The following OTOA variants were observed in gnomAD, a reference collection of about 807,000 sequenced individuals.
The protein encoded by OTOA is cancer/testis antigen 108.
Under a neutral mutation model 110.8 loss-of-function variants are expected in OTOA, and 70 were observed. The observed-to-expected ratio is 0.63, with a 90% CI of 0.52 to 0.77. The LOEUF (loss-of-function observed/expected upper bound fraction) is 0.77, where lower values mean the gene tolerates loss of function less well. Ranked by LOEUF, OTOA falls within the 30% of genes least tolerant of loss-of-function variation. The pLI, the probability that OTOA is intolerant of heterozygous loss-of-function variation, is 0.00. For synonymous variants in OTOA, 373 were observed against 431.5 expected, an observed-to-expected ratio of 0.86 and a Z score of 1.68; for missense variants, 917 against 1,075.8, an observed-to-expected ratio of 0.85 and a Z score of 2.06.
chr16:21,713,748 A>G (rs1468590046), intron 13 of OTOA, among the ~76,000 whole-genome samples: 1 of 151,888 alleles, frequency 6.6e-6, no homozygotes, highest in South Asian at 2.1e-4. Flanking sequence ...ATGCCCACGC[A>G]CTCCCACTTT....
intron 7 of OTOA, among the ~76,000 whole-genome samples, chr16:21,686,435 C>T (rs370457357): frequency 1.7e-3 from 256 of 152,034 alleles, no homozygotes; most frequent in African/African-American, 6.0e-3. Flanking sequence ...ACTACAGGTG[C>T]GCATTAGCAC....
chr16:21,700,496 G>A (rs916312058), intron 10 of OTOA, among the ~76,000 whole-genome samples: 10 of 152,082 alleles, frequency 6.6e-5, no homozygotes, highest in African/African-American at 1.9e-4. Context: ...AGGCCGAGGC[G>A]GGTGGATCAC....
intron 11 of OTOA, 168 bp from the exon 12 acceptor site, chr16:21,705,001 C>T (rs753243137): frequency 9.2e-7 from 1 of 1,086,280 alleles, no homozygotes; most frequent in Admixed American, 1.7e-5. Context: ...TAGGTTCCGC[C>T]TGTGGTTGCA....
intron 17 of OTOA, chr16:21,721,546 G>A (rs942696210): frequency 6.6e-6 from 3 of 453,496 alleles, no homozygotes; most frequent in African/African-American, 6.0e-5. Flanking sequence ...GTGTTTCAGA[G>A]GTAACTATAA....
chr16:21,693,275 A>G (rs903366931), intron 9 of OTOA, among the ~76,000 whole-genome samples: 16 of 151,942 alleles, frequency 1.1e-4, no homozygotes, highest in Admixed American at 3.3e-4. Context: ...AAACAAGCAA[A>G]CAAACAAACA....
At chr16:21,671,354 A>G (rs1346488803) in intron 1 of OTOA, among the ~76,000 whole-genome samples, 1 of 151,998 alleles carries the variant, frequency 6.6e-6, no homozygotes, top group Non-Finnish European at 1.5e-5. Flanking sequence ...TGGGAGGCCA[A>G]AGTGGGTGGA....
At chr16:21,673,132 A>G (rs945076009) in intron 1 of OTOA, among the ~76,000 whole-genome samples, 36 of 152,316 alleles carry the variant, frequency 2.4e-4, no homozygotes, top group Non-Finnish European at 4.9e-4. Flanking sequence ...TGGGTGACAG[A>G]GAAAGACTCT....
chr16:21,706,005 G>T (rs903971930), intron 12 of OTOA, among the ~76,000 whole-genome samples: 3 of 151,814 alleles, frequency 2.0e-5, no homozygotes, highest in Non-Finnish European at 4.4e-5. Context: ...TAGGAGGATC[G>T]CTTGAGCCCA....
At chr16:21,703,529 G>A (rs530974104) in intron 11 of OTOA, among the ~76,000 whole-genome samples, 91 of 152,094 alleles carry the variant, frequency 6.0e-4, no homozygotes, top group African/African-American at 2.0e-3. Context: ...ATCCACTGAC[G>A]TGTTGGACAC....
intron 21 of OTOA, among the ~76,000 whole-genome samples, chr16:21,735,911 C>G (rs535298643): frequency 6.6e-6 from 1 of 152,140 alleles, no homozygotes; most frequent in South Asian, 2.1e-4. Context: ...CATTTTTTGT[C>G]GATATTACCA....
chr16:21,703,226 C>G (rs1898087682), intron 11 of OTOA, among the ~76,000 whole-genome samples: 1 of 152,114 alleles, frequency 6.6e-6, no homozygotes, highest in African/African-American at 2.4e-5. Context: ...TCCTATTTAA[C>G]TGAAACATTG....
Position 21,760,570 on chromosome 16 carries a change from C to T in OTOA, c.*30C>T. On this transcript the variant is annotated 3_prime_UTR_variant, in exon 29 of 29. Transcript: ENST00000646100. ...CCTGAGCGCATCGTCCTGTGTTGCC[C>T]CAAGCAGCTGGCCAACATGTGTAGA... 4 of 1,572,636 alleles carry T rather than the reference C, an allele frequency of 2.5e-6. No homozygotes were observed. In the South Asian group the frequency reaches 4.4e-5, roughly 17 times the overall value.
At chr16:21,759,155 T>A (rs1260550464) in intron 28 of OTOA, among the ~76,000 whole-genome samples, 1 of 152,110 alleles carries the variant, frequency 6.6e-6, no homozygotes, top group African/African-American at 2.4e-5. Context: ...CTGCAAGGCA[T>A]GTGGTGAAAT....
At chr16:21,738,188 G>A (rs1899400296) in intron 22 of OTOA, among the ~76,000 whole-genome samples, 3 of 148,710 alleles carry the variant, frequency 2.0e-5, no homozygotes, top group Non-Finnish European at 3.0e-5. Flanking sequence ...AAGGGAGAGT[G>A]GGCCATGTGG....
rs535327147 is a variant in OTOA, at chr16:21,727,622, G to C, written c.2017-619G>C. Reference sequence around the variant, plus strand: ...TCAAGTGGCATACAAACTTTGAAGTGCTGTTTTCATTGTTGTGGTGCCAAT... The same window carrying C: ...TCAAGTGGCATACAAACTTTGAAGTCCTGTTTTCATTGTTGTGGTGCCAAT... On this transcript the variant is annotated intron_variant, in intron 19 of 28. Coordinates refer to ENST00000646100, the MANE Select transcript of OTOA (RefSeq NM_144672.4). Among the ~76,000 whole-genome samples the C allele has an allele frequency of 3.3e-5, 5 of 152,262 alleles. No homozygotes were observed. The South Asian group carries it at 1.0e-3, about 32-fold the overall frequency.
chr16:21,722,075 CCA>C (rs1447483470), intron 17 of OTOA, among the ~76,000 whole-genome samples: 35 of 140,634 alleles, frequency 2.5e-4, no homozygotes, highest in Non-Finnish European at 4.3e-4. Flanking sequence ...AAAAAAAACC[CCA>C]AAAAAACCCA....
chr16:21,728,524 T>C, intron 20 of OTOA, 93 bp downstream of exon 20: 1 of 1,383,564 alleles, frequency 7.2e-7, no homozygotes, highest in Non-Finnish European at 9.8e-7. Flanking sequence ...ACAGAGTCTC[T>C]GGCTTAGGAT....
intron 27 of OTOA, among the ~76,000 whole-genome samples, chr16:21,754,084 TTC>T (rs1209077419): frequency 1.4e-5 from 2 of 138,732 alleles, no homozygotes; most frequent in African/African-American, 5.4e-5. Context: ...ATATATTTTT[TTC>T]TATATATATA....
At chr16:21,693,687 T>C (rs1050680800) in intron 9 of OTOA, among the ~76,000 whole-genome samples, 4 of 152,158 alleles carry the variant, frequency 2.6e-5, no homozygotes, top group Non-Finnish European at 4.4e-5. Flanking sequence ...GTTCAAGTGA[T>C]TCTCTCAGCT....
Sources: gnomAD v4.1 joint callset for allele counts (sites outside exome capture counted in the v4.1 genomes callset) on GRCh38, gnomAD v4.1.1 for gene constraint, MANE v1.5 for transcripts, NCBI Gene and HGNC (gene_info 2026-07-23, HGNC 2026-07-21) for gene names.